The following CLIP1 variants were observed in gnomAD, a reference collection of about 807,000 sequenced individuals.
CLIP1 encodes CAP-Gly domain-containing linker protein 1.
A neutral mutation model predicts 161.6 loss-of-function variants in CLIP1; 66 were observed. The ratio of observed to expected loss-of-function variants is 0.41; its 90% confidence interval spans 0.33 to 0.50. CLIP1 has a LOEUF of 0.50. Among genes scored for constraint, CLIP1 ranks in the 20% least tolerant of loss-of-function variants. The probability of loss-of-function intolerance (pLI) is 0.27; values close to 1 mark genes in which losing one functional copy is unlikely to be tolerated. For synonymous variants in CLIP1, 598 were observed against 626.2 expected, an observed-to-expected ratio of 0.96 and a Z score of 0.67; for missense variants, 1,376 against 1,702.0, an observed-to-expected ratio of 0.81 and a Z score of 3.37.
At chr12:122,325,730 T>C (rs1842066099) in intron 17 of CLIP1, among the ~76,000 whole-genome samples, 2 of 152,224 alleles carry the variant, frequency 1.3e-5, no homozygotes, top group Non-Finnish European at 2.9e-5. Flanking sequence ...CTCAGCTCAC[T>C]GCAGCCTCCG....
intron 20 of CLIP1, among the ~76,000 whole-genome samples, chr12:122,298,886 C>T (rs1322975455): frequency 6.6e-6 from 1 of 152,076 alleles, no homozygotes; most frequent in Non-Finnish European, 1.5e-5. Context: ...ACCCAGGAGA[C>T]GGAGGTTGCA....
At chr12:122,378,902 G>A (rs1218210701) in intron 2 of CLIP1, among the ~76,000 whole-genome samples, 1 of 152,116 alleles carries the variant, frequency 6.6e-6, no homozygotes, top group Non-Finnish European at 1.5e-5. Context: ...GAGGCGGGCA[G>A]ATCACCTGAG....
intron 20 of CLIP1, among the ~76,000 whole-genome samples, chr12:122,305,078 C>T (rs188687521): frequency 4.6e-5 from 7 of 152,278 alleles, no homozygotes; most frequent in Non-Finnish European, 8.8e-5. Context: ...GTCCGGTTTC[C>T]ATAAGCAAAC....
intron 20 of CLIP1, among the ~76,000 whole-genome samples, chr12:122,289,073 C>T (rs1359403555): frequency 2.6e-5 from 4 of 151,026 alleles, no homozygotes; most frequent in Non-Finnish European, 4.4e-5. Context: ...GCCTCAGCCT[C>T]CCAAAGTGCT....
chr12:122,372,763 C>A (rs1954519722), intron 3 of CLIP1, among the ~76,000 whole-genome samples: 1 of 152,064 alleles, frequency 6.6e-6, no homozygotes, highest in African/African-American at 2.4e-5. Flanking sequence ...CAATTGTGGA[C>A]CACACAAAAC....
intron 20 of CLIP1, among the ~76,000 whole-genome samples, chr12:122,295,099 A>C (rs181347969): frequency 2.1e-3 from 316 of 151,704 alleles, no homozygotes; most frequent in African/African-American, 7.0e-3. Context: ...ATAAATTAAA[A>C]TTAAAAATAG....
intron 1 of CLIP1, among the ~76,000 whole-genome samples, chr12:122,390,809 T>G (rs1955625268): frequency 6.7e-6 from 1 of 150,322 alleles, no homozygotes; most frequent in Non-Finnish European, 1.5e-5. Context: ...AAAAAAAGAA[T>G]AAAATGTTTA....
rs552589406 is a variant in CLIP1 at position 122,415,715 on chromosome 12, A to G, written c.-107+6806T>C. The stretch of plus-strand genomic sequence containing the variant: ...GTGCCTGTAATCCCAGCTACTCAAG[A>G]GGCTGAGGCAGGAGAATTGCTTGAA... On this transcript the variant is annotated intron_variant, in intron 1 of 25. Coordinates refer to ENST00000620786, the MANE Select transcript of CLIP1 (RefSeq NM_001247997.2). Among the ~76,000 whole-genome samples, 118 of 151,918 alleles carry G rather than the reference A, an allele frequency of 7.8e-4. 1 individual carries two copies. The highest frequency in any genetic ancestry group is 3.4e-3 in the Middle Eastern group (1 of 294).
intron 20 of CLIP1, among the ~76,000 whole-genome samples, chr12:122,306,822 A>AC (rs1197351103): frequency 6.6e-6 from 1 of 152,044 alleles, no homozygotes; most frequent in Non-Finnish European, 1.5e-5. Flanking sequence ...GCAATGTTTG[A>AC]CCGCACCTAC....
rs554859873 is a variant in CLIP1, at chr12:122,417,113, A to G, written c.-107+5408T>C. Among the ~76,000 whole-genome samples, 34 of 151,828 alleles carry G rather than the reference A, an allele frequency of 2.2e-4. No homozygotes were observed. In the South Asian group the frequency reaches 6.9e-3, roughly 31 times the overall value. On this transcript the variant is annotated intron_variant, in intron 1 of 25. Transcript: ENST00000620786. Reference sequence around the variant, plus strand: ...CAGGAGTTAGATCAGCCTGGCCAACATGGTGAAACCCCGTCTCTACTAAAA... The same window carrying G: ...CAGGAGTTAGATCAGCCTGGCCAACGTGGTGAAACCCCGTCTCTACTAAAA...
At chr12:122,385,626 G>T (rs1955222952) in intron 1 of CLIP1, among the ~76,000 whole-genome samples, 1 of 152,204 alleles carries the variant, frequency 6.6e-6, no homozygotes. Flanking sequence ...ATATTTGGAG[G>T]AGGAGGTGTT....
chr12:122,372,056 C>T (rs1035368029), intron 3 of CLIP1, among the ~76,000 whole-genome samples: 1 of 151,626 alleles, frequency 6.6e-6, no homozygotes, highest in African/African-American at 2.4e-5. Flanking sequence ...CCAAGGTGGG[C>T]GGATCACTTG....
chr12:122,385,414 CT>C (rs1955214453), intron 1 of CLIP1, among the ~76,000 whole-genome samples: 5 of 152,150 alleles, frequency 3.3e-5, no homozygotes, highest in Admixed American at 3.3e-4. Flanking sequence ...TCCCCAGGAT[CT>C]TGTGAAACTG....
At chr12:122,316,393 A>G (rs1198831688) in intron 19 of CLIP1, among the ~76,000 whole-genome samples, 3 of 152,010 alleles carry the variant, frequency 2.0e-5, no homozygotes, top group Non-Finnish European at 4.4e-5. Context: ...TACTTTTTGT[A>G]GAAACAGGGT....
At chr12:122,421,417 AAAT>A (rs1257993185) in intron 1 of CLIP1, among the ~76,000 whole-genome samples, 1 of 152,100 alleles carries the variant, frequency 6.6e-6, no homozygotes, top group South Asian at 2.1e-4. Flanking sequence ...GACACAAATC[AAAT>A]AATAAGAACA....
intron 18 of CLIP1, 128 bp downstream of exon 18, chr12:122,319,104 T>C: frequency 1.5e-6 from 1 of 656,122 alleles, no homozygotes; most frequent in Non-Finnish European, 2.8e-6. Flanking sequence ...ATCGTGGCTC[T>C]GGCATGCATT....
At chr12:122,408,926 G>A (rs1263218992) in intron 1 of CLIP1, among the ~76,000 whole-genome samples, 1 of 151,644 alleles carries the variant, frequency 6.6e-6, no homozygotes, top group South Asian at 2.1e-4. Context: ...ATTCTCCTGC[G>A]TCAGCCTCCC....
rs1952107004 is a variant in CLIP1 at position 122,334,094 on chromosome 12, T to C, written c.2643A>G (p.Leu881=). ...QRSMQETVNK[L]HQKEEQFNML... ...TGTTAAACTGTTCCTCCTTTTGGTG[T>C]AACTTATTTACAGTTTCTATTTAGG... The change falls in exon 14 of 26, where the codon TTA becomes TTG. Residue 881 remains leucine (L), a synonymous_variant. Coordinates refer to ENST00000620786, the MANE Select transcript of CLIP1 (RefSeq NM_001247997.2). The C allele has an allele frequency of 6.2e-7, 1 of 1,609,168 alleles. No homozygotes were observed. The highest frequency in any genetic ancestry group is 1.7e-5 in the Admixed American group (1 of 59,988).
At chr12:122,337,047 C>A (rs1003221438) in intron 11 of CLIP1, among the ~76,000 whole-genome samples, 1 of 151,542 alleles carries the variant, frequency 6.6e-6, no homozygotes, top group Non-Finnish European at 1.5e-5. Context: ...TGGCTCACTG[C>A]AGCCTTAGAA....
Sources: gnomAD v4.1 joint callset for allele counts (sites outside exome capture counted in the v4.1 genomes callset) on GRCh38, gnomAD v4.1.1 for gene constraint, MANE v1.5 for transcripts, NCBI Gene and HGNC (gene_info 2026-07-23, HGNC 2026-07-21) for gene names.